The following CDC27 variants were observed in gnomAD, a reference collection of about 807,000 sequenced individuals.
The protein encoded by CDC27 is cell division cycle 27.
Under a neutral mutation model 109.7 loss-of-function variants are expected in CDC27, and 27 were observed. That is an observed-to-expected ratio of 0.25 (90% CI 0.18 to 0.34). CDC27 has a LOEUF of 0.34. Ranked by LOEUF, CDC27 falls within the 10% of genes least tolerant of loss-of-function variation. The pLI, the probability that CDC27 is intolerant of heterozygous loss-of-function variation, is 1.00. For synonymous variants in CDC27, 266 were observed against 333.9 expected (o/e 0.80, Z 2.22); for missense variants, 579 against 960.2 (o/e 0.60, Z 5.25).
intron 1 of CDC27, among the ~76,000 whole-genome samples, chr17:47,183,620 T>A (rs1003022976): frequency 2.6e-5 from 4 of 152,170 alleles, no homozygotes; most frequent in Non-Finnish European, 4.4e-5. Context: ...ACACTCTAAT[T>A]GCACCAAGTA....
intron 15 of CDC27, among the ~76,000 whole-genome samples, chr17:47,131,656 G>GT: frequency 6.6e-6 from 1 of 151,066 alleles, no homozygotes; most frequent in South Asian, 2.1e-4. Context: ...CTTTTCTCCT[G>GT]TTAAAGTAAA....
chr17:47,121,383 C>G (rs1310793767), intron 18 of CDC27, among the ~76,000 whole-genome samples: 1 of 152,138 alleles, frequency 6.6e-6, no homozygotes, highest in Non-Finnish European at 1.5e-5. Flanking sequence ...CCCTGCTAGT[C>G]CACAGAAACA....
At chr17:47,159,490 G>A in intron 4 of CDC27, 1 of 552,606 alleles carries the variant, frequency 1.8e-6, no homozygotes, top group South Asian at 2.5e-5. Flanking sequence ...GTGCGACGAG[G>A]CGCACCAGCA....
intron 9 of CDC27, among the ~76,000 whole-genome samples, chr17:47,144,871 T>TCA (rs35160918): frequency 0.43 from 64,566 of 149,826 alleles, 14,048 homozygotes; most frequent in Admixed American, 0.53. Flanking sequence ...TGTGTGTATA[T>TCA]CACACACACA....
chr17:47,172,096 G>T lies in CDC27; in HGVS notation c.104-32C>A, dbSNP rs781748297. On this transcript the variant is annotated intron_variant, in intron 2 of 18. Transcript: ENST00000066544. ...ACAGACATTTTTTAAAAAGGCTATTGTTCAGTATATTGAATGATAATCAGT... is the reference window on the plus strand; with the variant it reads ...ACAGACATTTTTTAAAAAGGCTATTTTTCAGTATATTGAATGATAATCAGT... The T allele has an allele frequency of 5.5e-6, 8 of 1,456,850 alleles. No homozygotes were observed. The African/African-American group carries it at 1.0e-4, about 18-fold the overall frequency. The allele number at this position is 1,456,850 out of a possible 1,614,324, so 90.2% of individuals were successfully genotyped here.
In CDC27 at chr17:47,133,066, CACACACACACACACACACAA is replaced by C. The variant is rs1414767975; in HGVS notation, c.1914-712_1914-693del. Among the ~76,000 whole-genome samples the C allele has an allele frequency of 5.3e-3, 414 of 78,742 alleles. 1 individual carries two copies. Among genetic ancestry groups the C allele is most frequent in the African/African-American group, 0.02 (389 of 19,672 alleles). The allele number at this position is 78,742 out of a possible 152,430, so 51.7% of individuals were successfully genotyped here. ...ACACACACACACACATACATATACA[CACACACACACACACACACAA>C]ACACACACACACAAATATACATATA... On this transcript the variant is annotated intron_variant, in intron 14 of 18. Transcript: ENST00000066544.
At chr17:47,133,028 T>TATATACACAC (rs1555783886) in intron 14 of CDC27, among the ~76,000 whole-genome samples, 25 of 29,818 alleles carry the variant, frequency 8.4e-4, no homozygotes, top group Admixed American at 1.0e-3. Context: ...TATATATATA[T>TATATACACAC]ACACACACAC....
intron 1 of CDC27, among the ~76,000 whole-genome samples, chr17:47,186,694 GA>G (rs1164779960): frequency 1.3e-5 from 2 of 152,146 alleles, no homozygotes; most frequent in African/African-American, 4.8e-5. Context: ...GTAGTAATTT[GA>G]GACGGAGTTT....
intron 4 of CDC27, chr17:47,161,217 T>C (rs1199622302): frequency 6.8e-6 from 1 of 146,626 alleles, no homozygotes; most frequent in Non-Finnish European, 1.5e-5. Context: ...AAGTTAGCGG[T>C]GTTTTGCTAT....
intron 11 of CDC27, 63 bp downstream of exon 11, chr17:47,142,162 TAAAG>T (rs1360747149): frequency 1.7e-6 from 2 of 1,161,408 alleles, no homozygotes; most frequent in Non-Finnish European, 2.4e-6. Flanking sequence ...GTAATGAACA[TAAAG>T]AAATTTACTT....
Position 47,147,430 on chromosome 17 carries a change from A to AAC in CDC27, c.1071-3449_1071-3448insGT, listed in dbSNP as rs1555789484. Among the ~76,000 whole-genome samples the AAC allele has an allele frequency of 3.0e-4, 36 of 118,710 alleles. 1 individual carries two copies. In the South Asian group the frequency reaches 3.8e-3, roughly 12 times the overall value. The allele number at this position is 118,710 out of a possible 152,430, so 77.9% of individuals were successfully genotyped here. A position where few individuals can be genotyped will look rare whatever the true frequency, so the allele number is the denominator to read the frequency against. On this transcript the variant is annotated intron_variant, in intron 9 of 18. Transcript: ENST00000066544. The stretch of plus-strand genomic sequence containing the variant: ...AAACAAACAAACAAACAAACAAACA[A>AAC]AAAAAAAAACACTAGGCATAGAAAA...
At chr17:47,156,796 CCT>C (rs2063320386) in intron 7 of CDC27, 115 bp downstream of exon 7, 4 of 445,296 alleles carry the variant, frequency 9.0e-6, no homozygotes, top group African/African-American at 2.0e-5. Context: ...ACAGAATGCC[CCT>C]GTTTCCACAG....
At chr17:47,134,348 G>T (rs201331122) in intron 14 of CDC27, among the ~76,000 whole-genome samples, 6 of 150,124 alleles carry the variant, frequency 4.0e-5, no homozygotes, top group African/African-American at 1.5e-4. Context: ...TCTGTCGCCC[G>T]GGCTGGAGTG....
rs11079757 is a variant in CDC27 at position 47,118,484 on chromosome 17, G to A, written c.*2451C>T. 30,781 of 152,328 alleles carry A rather than the reference G, an allele frequency of 0.2. 3,145 individuals are homozygous for A. Among genetic ancestry groups the A allele is most frequent in the African/African-American group, 0.23 (9,494 of 41,378 alleles). 9.4% of individuals were successfully genotyped at this position (152,328 alleles called of 1,614,324 possible). A position where few individuals can be genotyped will look rare whatever the true frequency, so the allele number is the denominator to read the frequency against. On this transcript the variant is annotated 3_prime_UTR_variant, in exon 19 of 19. Coordinates refer to ENST00000066544, the MANE Select transcript of CDC27 (RefSeq NM_001256.6). ...ATAACTTCTGAACAAGTGTGTGCGCGTATATATATATGTATATAGATGTAT... is the reference window on the plus strand; with the variant it reads ...ATAACTTCTGAACAAGTGTGTGCGCATATATATATATGTATATAGATGTAT...
chr17:47,167,312 C>T (rs925936613), intron 4 of CDC27, among the ~76,000 whole-genome samples: 1 of 152,100 alleles, frequency 6.6e-6, no homozygotes, highest in Non-Finnish European at 1.5e-5. Context: ...GAATATGATG[C>T]TCTTTAGGAT....
chr17:47,180,922 C>T (rs2064194923), intron 2 of CDC27, among the ~76,000 whole-genome samples: 2 of 138,360 alleles, frequency 1.4e-5, no homozygotes, highest in Non-Finnish European at 3.0e-5. Flanking sequence ...ATGTTCTTCA[C>T]CATAGAATAC....
intron 16 of CDC27, among the ~76,000 whole-genome samples, chr17:47,127,092 C>G (rs1031342153): frequency 1.1e-4 from 17 of 152,050 alleles, no homozygotes; most frequent in African/African-American, 4.1e-4. Flanking sequence ...CGGCACCTGG[C>G]CCTAAAAGAA....
At position 47,141,901 on chromosome 17, in the gene CDC27, T is replaced by G; in HGVS notation, c.1503A>C (p.Val501=). ...LPSHHYNTGW[V]LCQIGRAYFE... is the part of the protein sequence containing the mutation. ...AATAGGCCCTTCCAATTTGGCACAG[T>G]ACCCAACCAGTATTGTAGTGGTGAG... The change falls in exon 12 of 19, where the codon GTA becomes GTC. Residue 501 remains valine (V), a synonymous_variant. Coordinates refer to ENST00000066544, the MANE Select transcript of CDC27 (RefSeq NM_001256.6). 6.2e-7 allele frequency: 1 copy of G among 1,605,704 alleles called. No homozygotes were observed. Among genetic ancestry groups the G allele is most frequent in the South Asian group, 1.1e-5 (1 of 90,046 alleles).
At chr17:47,187,585 A>T (rs1354429160) in intron 1 of CDC27, among the ~76,000 whole-genome samples, 2 of 152,020 alleles carry the variant, frequency 1.3e-5, no homozygotes, top group Non-Finnish European at 2.9e-5. Flanking sequence ...TTCAGGTGTA[A>T]GCCACCACGC....
Sources: gnomAD v4.1 joint callset for allele counts (sites outside exome capture counted in the v4.1 genomes callset) on GRCh38, gnomAD v4.1.1 for gene constraint, MANE v1.5 for transcripts, NCBI Gene and HGNC (gene_info 2026-07-23, HGNC 2026-07-21) for gene names.